Variants in VCL observed in about 807,000 individuals in gnomAD.
The protein encoded by VCL is vinculin.
Under a neutral mutation model 125.7 loss-of-function variants are expected in VCL, and 47 were observed. The ratio of observed to expected loss-of-function variants is 0.37; its 90% CI spans 0.30 to 0.48. VCL has a LOEUF of 0.48. Among genes scored for constraint, VCL ranks in the 20% least tolerant of loss-of-function variants. The probability of loss-of-function intolerance (pLI) is 0.99; values close to 1 mark genes in which losing one functional copy is unlikely to be tolerated. For synonymous variants in VCL, 458 were observed against 514.6 expected, an observed-to-expected ratio of 0.89 and a Z score of 1.49; for missense variants, 1,069 against 1,455.5, an observed-to-expected ratio of 0.73 and a Z score of 4.32.
chr10:74,095,361 T>G (rs1258059348), intron 11 of VCL, among the ~76,000 whole-genome samples: 4 of 151,832 alleles, frequency 2.6e-5, no homozygotes, highest in African/African-American at 9.7e-5. Context: ...GAGGCCGAGG[T>G]GGGTGGATCG....
intron 2 of VCL, among the ~76,000 whole-genome samples, chr10:74,052,749 T>G (rs1841326700): frequency 6.6e-6 from 1 of 152,046 alleles, no homozygotes; most frequent in African/African-American, 2.4e-5. Flanking sequence ...TAAGACTTTT[T>G]TTTTTTTGAA....
intron 1 of VCL, among the ~76,000 whole-genome samples, chr10:74,040,457 T>A (rs751681125): frequency 1.6e-4 from 25 of 152,212 alleles, no homozygotes; most frequent in Non-Finnish European, 3.1e-4. Flanking sequence ...ATAAAAGGAA[T>A]CTCTCTGTGT....
chr10:74,058,050 G>A (rs1331965384), intron 2 of VCL, among the ~76,000 whole-genome samples: 1 of 152,140 alleles, frequency 6.6e-6, no homozygotes, highest in Non-Finnish European at 1.5e-5. Context: ...CTTTCTTGAT[G>A]TCTGAAAGAC....
chr10:74,097,515 A>G lies in VCL; in HGVS notation c.1872+183A>G, dbSNP rs1294459682. The stretch of plus-strand genomic sequence containing the variant: ...GTCTCCACGTATATCAGTGAGGAAT[A>G]TCTTTAGTTGCAAGCAATAGAAGAC... On this transcript the variant is annotated intron_variant, in intron 13 of 21. Transcript: ENST00000211998. The surrounding 1 kb of genome is among the most constrained non-coding windows in gnomAD (Gnocchi z 4.1). Among the ~76,000 whole-genome samples, 1 of 152,222 alleles carries G rather than the reference A, an allele frequency of 6.6e-6. No individual in the cohort carries two copies. The highest frequency in any genetic ancestry group is 1.5e-5 in the Non-Finnish European group (1 of 68,042).
intron 2 of VCL, among the ~76,000 whole-genome samples, chr10:74,067,951 T>A (rs1266707149): frequency 6.6e-6 from 1 of 152,270 alleles, no homozygotes; most frequent in Non-Finnish European, 1.5e-5. Flanking sequence ...TAAATGCTAC[T>A]GAATTGTACA....
At chr10:74,051,269 C>T (rs1841294947) in intron 2 of VCL, among the ~76,000 whole-genome samples, 1 of 152,048 alleles carries the variant, frequency 6.6e-6, no homozygotes, top group Non-Finnish European at 1.5e-5. Context: ...CGGAGTCTTG[C>T]TCTGTCATCC....
chr10:73,998,650 C>G (rs1027339728), intron 1 of VCL, among the ~76,000 whole-genome samples: 3 of 152,230 alleles, frequency 2.0e-5, no homozygotes, highest in African/African-American at 7.2e-5. Context: ...AGGTATTATT[C>G]GTGGAGTGCC....
chr10:74,010,845 C>T (rs1840420025), intron 1 of VCL, among the ~76,000 whole-genome samples: 1 of 152,050 alleles, frequency 6.6e-6, no homozygotes, highest in Non-Finnish European at 1.5e-5. Flanking sequence ...TGAGCCTCAT[C>T]CTGAAAGAAC....
rs182343716 is a variant in VCL, at chr10:74,110,303, T to C, written c.2745+1147T>C. 2.7e-3 allele frequency among the ~76,000 whole-genome samples: 404 copies of C among 152,284 alleles called. 1 individual carries two copies. Among genetic ancestry groups the C allele is most frequent in the South Asian group, 0.015 (72 of 4,824 alleles). ...CACTATGCAGAACAAAAAATATACATGAATTATTTAAAAAAACAAACAAAC... is the reference window on the plus strand; with the variant it reads ...CACTATGCAGAACAAAAAATATACACGAATTATTTAAAAAAACAAACAAAC... On this transcript the variant is annotated intron_variant, in intron 18 of 21. Coordinates refer to ENST00000211998, the MANE Select transcript of VCL (RefSeq NM_014000.3).
Position 74,095,850 on chromosome 10 carries a change from T to C in VCL, c.1738T>C (p.Leu580=). Residue 580 remains leucine (L), a synonymous_variant, in exon 12 of 22, where the codon TTA becomes CTA. Transcript: ENST00000211998. ...RALASQLQDS[L]KDLKARMQEA... is the part of the protein sequence containing the mutation. ...ACTTGCATCTCAGCTCCAAGACTCCTTAAAGGTAGAAGTCAGGAGCACATA... is the reference window on the plus strand; with the variant it reads ...ACTTGCATCTCAGCTCCAAGACTCCCTAAAGGTAGAAGTCAGGAGCACATA... 6.2e-7 allele frequency: 1 copy of C among 1,613,610 alleles called. No homozygotes were observed. The highest frequency in any genetic ancestry group is 8.5e-7 in the Non-Finnish European group (1 of 1,180,016).
intron 13 of VCL, among the ~76,000 whole-genome samples, chr10:74,100,731 T>G (rs879007053): frequency 1.3e-5 from 2 of 152,050 alleles, no homozygotes; most frequent in South Asian, 4.2e-4. Flanking sequence ...GTGAGTGTGT[T>G]TGTGTGCATT....
chr10:74,042,951 C>T (rs1379692867), intron 1 of VCL, 132 bp from the exon 2 acceptor site: 5 of 937,472 alleles, frequency 5.3e-6, no homozygotes, highest in African/African-American at 5.0e-5. Context: ...TTTTTAAATC[C>T]AGAAATCTCC....
intron 15 of VCL, 69 bp downstream of exon 15, chr10:74,103,997 C>A (rs565604337): frequency 1.4e-4 from 208 of 1,459,448 alleles, no homozygotes; most frequent in Non-Finnish European, 1.4e-4. Context: ...TGGAGCGGGA[C>A]TGGTTCTGTT....
At position 73,998,151 on chromosome 10, in the gene VCL, G is replaced by T; in HGVS notation, c.-57G>T. ...CAGTCTGTCTCTTCGCCGGTTCCCG[G>T]CCCCGTGGATCCTACTTCTCTGTCG... On this transcript the variant is annotated 5_prime_UTR_variant, in exon 1 of 22. Coordinates refer to ENST00000211998, the MANE Select transcript of VCL (RefSeq NM_014000.3). The T allele has an allele frequency of 6.3e-7, 1 of 1,587,846 alleles. No homozygotes were observed. Among genetic ancestry groups the T allele is most frequent in the Non-Finnish European group, 8.6e-7 (1 of 1,167,436 alleles).
chr10:74,008,418 T>C (rs1181308898), intron 1 of VCL, among the ~76,000 whole-genome samples: 1 of 152,228 alleles, frequency 6.6e-6, no homozygotes, highest in Admixed American at 6.5e-5. Context: ...TGTGAGAGTA[T>C]GTTACCTTCT....
At chr10:73,999,480 G>A (rs1016580217) in intron 1 of VCL, among the ~76,000 whole-genome samples, 3 of 152,154 alleles carry the variant, frequency 2.0e-5, no homozygotes, top group Admixed American at 1.3e-4. Flanking sequence ...CCCTGGGTGG[G>A]TGACTCAGAC....
chr10:74,066,267 C>G (rs894740177), intron 2 of VCL, among the ~76,000 whole-genome samples: 1 of 152,080 alleles, frequency 6.6e-6, no homozygotes, highest in Non-Finnish European at 1.5e-5. Flanking sequence ...CCATGTTGGT[C>G]AGGCAGGTCT....
chr10:74,015,271 G>A (rs1436951843), intron 1 of VCL, among the ~76,000 whole-genome samples: 1 of 152,096 alleles, frequency 6.6e-6, no homozygotes, highest in Non-Finnish European at 1.5e-5. Context: ...AACAATTTTT[G>A]GCCAGGCCCT....
intron 2 of VCL, among the ~76,000 whole-genome samples, chr10:74,051,483 T>C (rs1381676715): frequency 6.6e-6 from 1 of 152,202 alleles, no homozygotes; most frequent in South Asian, 2.1e-4. Flanking sequence ...CTTAAATACC[T>C]TGTATGAGCT....
Sources: allele counts gnomAD v4.1 joint callset (sites outside exome capture counted in the v4.1 genomes callset), GRCh38; gene constraint gnomAD v4.1.1; non-coding constraint Gnocchi (gnomAD v3.1); transcripts MANE v1.5; gene names NCBI Gene and HGNC (gene_info 2026-07-23, HGNC 2026-07-21).